Variants in NRXN3 observed in about 807,000 individuals in gnomAD.
NRXN3 encodes the protein neurexin III.
NRXN3 carries 32 observed loss-of-function variants against 137.6 expected under a neutral mutation model. The observed-to-expected ratio is 0.23, with a 90% CI of 0.18 to 0.31. The LOEUF (loss-of-function observed/expected upper bound fraction) is 0.31, where lower values mean the gene tolerates loss of function less well. Ranked by LOEUF, NRXN3 falls within the 10% of genes least tolerant of loss-of-function variation. The pLI is 1.00. For missense variants in NRXN3, 1,574 were observed against 2,062.5 expected, an observed-to-expected ratio of 0.76 and a Z score of 4.59; for synonymous variants, 798 against 784.5, an observed-to-expected ratio of 1.02 and a Z score of -0.29.
chr14:78,970,412 T>G (rs997479107), intron 14 of NRXN3, among the ~76,000 whole-genome samples: 6 of 152,188 alleles, frequency 3.9e-5, no homozygotes. Flanking sequence ...TTTTTTCACA[T>G]TAAGCCTCTA....
At chr14:78,581,048 C>T (rs1254269516) in intron 4 of NRXN3, among the ~76,000 whole-genome samples, 1 of 152,190 alleles carries the variant, frequency 6.6e-6, no homozygotes, top group Non-Finnish European at 1.5e-5. Context: ...AGGTATTTTA[C>T]ATAAACTTTT....
chr14:78,430,903 A>G (rs1452975117), intron 4 of NRXN3, among the ~76,000 whole-genome samples: 5 of 152,076 alleles, frequency 3.3e-5, no homozygotes, highest in Non-Finnish European at 7.4e-5. Flanking sequence ...CCTTCTGGGT[A>G]CCTAGAGTTC....
At chr14:78,945,873 C>T (rs900712598) in intron 10 of NRXN3, among the ~76,000 whole-genome samples, 1 of 152,166 alleles carries the variant, frequency 6.6e-6, no homozygotes, top group South Asian at 2.1e-4. Context: ...GGATTTGTGG[C>T]CAAGGGAAGA....
chr14:78,539,925 G>A (rs1307521420), intron 4 of NRXN3, among the ~76,000 whole-genome samples: 1 of 152,204 alleles, frequency 6.6e-6, no homozygotes, highest in Non-Finnish European at 1.5e-5. Context: ...TTTTGAGTGA[G>A]TTTCTTAATC....
chr14:78,496,462 G>A (rs1429836061), intron 4 of NRXN3, among the ~76,000 whole-genome samples: 3 of 151,980 alleles, frequency 2.0e-5, no homozygotes, highest in Non-Finnish European at 4.4e-5. Flanking sequence ...CTTTCTCATT[G>A]GAAATGTAAA....
At chr14:79,714,258 A>T (rs1363174323) in intron 19 of NRXN3, among the ~76,000 whole-genome samples, 1 of 152,216 alleles carries the variant, frequency 6.6e-6, no homozygotes, top group African/African-American at 2.4e-5. Flanking sequence ...TGAAAATAGA[A>T]TTTGATTAAA....
rs151195191 is a variant in NRXN3 at position 79,087,952 on chromosome 14, C to CT, written c.3262+99812dup. Among the ~76,000 whole-genome samples the CT allele has an allele frequency of 1.5e-3, 233 of 150,754 alleles. 6 individuals are homozygous for CT. The highest frequency in any genetic ancestry group is 5.5e-3 in the African/African-American group (221 of 40,102). ...TTTGGGAAATAACAACTAGTTGTTT[C>CT]TGGTTAAAGCAACACCAGTATTTGG... On this transcript the variant is annotated intron_variant, in intron 15 of 20. Coordinates refer to ENST00000335750, the MANE Select transcript of NRXN3 (RefSeq NM_001330195.2).
In NRXN3 at chr14:78,844,218, G is replaced by A. The variant is rs191058462; in HGVS notation, c.2275+33874G>A. Among the ~76,000 whole-genome samples the A allele has an allele frequency of 1.6e-3, 243 of 152,110 alleles. 1 individual carries two copies. The highest frequency in any genetic ancestry group is 4.9e-3 in the African/African-American group (204 of 41,496). ...GCTGTGGGTCTCTGCTTCTCTCTCCGTCTAACTTATAAGGATACATGTGAT... is the reference window on the plus strand; with the variant it reads ...GCTGTGGGTCTCTGCTTCTCTCTCCATCTAACTTATAAGGATACATGTGAT... On this transcript the variant is annotated intron_variant, in intron 10 of 20. Transcript: ENST00000335750.
At chr14:79,415,409 A>T (rs532531408) in intron 15 of NRXN3, among the ~76,000 whole-genome samples, 1 of 150,946 alleles carries the variant, frequency 6.6e-6, no homozygotes, top group South Asian at 2.1e-4. Context: ...TTTACATTGT[A>T]TTAGGAACTT....
intron 15 of NRXN3, among the ~76,000 whole-genome samples, chr14:79,075,417 C>A (rs2045803154): frequency 6.6e-6 from 1 of 152,154 alleles, no homozygotes; most frequent in Non-Finnish European, 1.5e-5. Context: ...ATTGACAATG[C>A]ATAAATATTA....
intron 16 of NRXN3, among the ~76,000 whole-genome samples, chr14:79,648,293 G>T (rs1255161018): frequency 1.5e-5 from 2 of 135,524 alleles, no homozygotes; most frequent in African/African-American, 4.9e-5. Context: ...GGGGACTGTG[G>T]TGAATTGGAA....
chr14:79,656,395 A>G (rs550962688), intron 16 of NRXN3, among the ~76,000 whole-genome samples: 49 of 152,240 alleles, frequency 3.2e-4, no homozygotes, highest in African/African-American at 1.1e-3. Flanking sequence ...TACCAAATAA[A>G]CCAGCATGAC....
At chr14:78,815,288 G>T (rs1216527511) in intron 10 of NRXN3, among the ~76,000 whole-genome samples, 2 of 152,098 alleles carry the variant, frequency 1.3e-5, no homozygotes, top group African/African-American at 4.8e-5. Flanking sequence ...TTGTGTCAGA[G>T]AATAGCTTTG....
intron 15 of NRXN3, among the ~76,000 whole-genome samples, chr14:79,445,556 C>A (rs2096049619): frequency 6.6e-6 from 1 of 152,058 alleles, no homozygotes; most frequent in Non-Finnish European, 1.5e-5. Flanking sequence ...TAGAAAATTA[C>A]CACTGGGATG....
intron 8 of NRXN3, among the ~76,000 whole-genome samples, chr14:78,738,546 C>T (rs575377154): frequency 8.5e-5 from 13 of 152,298 alleles, no homozygotes; most frequent in Admixed American, 7.8e-4. Context: ...CCAGAAGCAC[C>T]TGCCAGAGAG....
rs143545730 is a variant in NRXN3, at chr14:78,970,202, A to G, written c.3142+1856A>G. ...TCAGATTTAAAAGTTAACAGGAATC[A>G]TCCATTAACTCTATGTCAGTGTTTT... is the stretch of plus-strand genomic sequence containing the variant. On this transcript the variant is annotated intron_variant, in intron 14 of 20. Transcript: ENST00000335750. Among the ~76,000 whole-genome samples the G allele has an allele frequency of 4.5e-4, 68 of 152,302 alleles. 1 individual carries two copies. The highest frequency in any genetic ancestry group is 1.5e-3 in the African/African-American group (61 of 41,572).
chr14:78,747,526 A>G (rs1223613961), intron 8 of NRXN3, among the ~76,000 whole-genome samples: 3 of 152,160 alleles, frequency 2.0e-5, no homozygotes, highest in African/African-American at 7.2e-5. Context: ...CCCTGGTGCA[A>G]GAGTTTCTCT....
chr14:78,213,733 T>C (rs1043098018), intron 1 of NRXN3, among the ~76,000 whole-genome samples: 1 of 152,082 alleles, frequency 6.6e-6, no homozygotes, highest in Non-Finnish European at 1.5e-5. Context: ...TTGAAAGAGA[T>C]CTCAGTGGTG....
chr14:78,510,742 G>T (rs1160349731), intron 4 of NRXN3, among the ~76,000 whole-genome samples: 1 of 152,080 alleles, frequency 6.6e-6, no homozygotes, highest in Admixed American at 6.6e-5. Context: ...GACCTATAAG[G>T]CTTGCTGACT....
Sources: allele counts gnomAD v4.1 joint callset (sites outside exome capture counted in the v4.1 genomes callset), GRCh38; gene constraint gnomAD v4.1.1; transcripts MANE v1.5; gene names NCBI Gene and HGNC (gene_info 2026-07-23, HGNC 2026-07-21).